The following ULK4 variants were observed in gnomAD, a reference collection of about 807,000 sequenced individuals.
ULK4 encodes inactive serine/threonine-protein kinase ULK4.
ULK4 carries 133 observed loss-of-function variants against 160.6 expected under a neutral mutation model. The ratio of observed to expected loss-of-function variants is 0.83; its 90% CI spans 0.72 to 0.96. The LOEUF is 0.96. Ranked by LOEUF, ULK4 falls within the 40% of genes least tolerant of loss-of-function variation. The pLI is 0.00. For synonymous variants in ULK4, 534 were observed against 539.8 expected (o/e 0.99, Z 0.15); for missense variants, 1,580 against 1,499.5 (o/e 1.05, Z -0.89).
At chr3:41,900,373 T>C (rs1698308757) in intron 13 of ULK4, among the ~76,000 whole-genome samples, 1 of 152,076 alleles carries the variant, frequency 6.6e-6, no homozygotes, top group African/African-American at 2.4e-5. Context: ...TTAGAGTGAT[T>C]CACATTAGTG....
At chr3:41,762,137 G>A (rs535271360) in intron 21 of ULK4, among the ~76,000 whole-genome samples, 1 of 151,892 alleles carries the variant, frequency 6.6e-6, no homozygotes, top group African/African-American at 2.4e-5. Context: ...TAATCCAAAA[G>A]GCCCTTCTAC....
intron 32 of ULK4, among the ~76,000 whole-genome samples, chr3:41,521,362 G>A (rs113934343): frequency 0.012 from 1,894 of 152,104 alleles, 28 homozygotes; most frequent in Non-Finnish European, 0.019. Context: ...GGCCTTCACT[G>A]ATTAGACCTT....
At chr3:41,710,930 G>T (rs1248839179) in intron 25 of ULK4, among the ~76,000 whole-genome samples, 1 of 152,196 alleles carries the variant, frequency 6.6e-6, no homozygotes, top group Non-Finnish European at 1.5e-5. Context: ...TCTCACAGGA[G>T]CTGAAGGGTT....
intron 17 of ULK4, among the ~76,000 whole-genome samples, chr3:41,841,513 A>G (rs1375446396): frequency 5.6e-5 from 7 of 124,062 alleles, no homozygotes; most frequent in African/African-American, 1.6e-4. Flanking sequence ...GGGAAGTGAG[A>G]AGCACCTCTG....
chr3:41,926,597 C>T (rs1381785256), intron 5 of ULK4, among the ~76,000 whole-genome samples: 1 of 150,832 alleles, frequency 6.6e-6, no homozygotes. Flanking sequence ...AGCTAAGAAC[C>T]TTGAAAAAAG....
At chr3:41,398,383 T>C (rs1021965655) in intron 34 of ULK4, 119 bp from the exon 35 acceptor site, 16 of 978,640 alleles carry the variant, frequency 1.6e-5, no homozygotes, top group African/African-American at 4.2e-5. Context: ...CTGAATACTT[T>C]TTTACTTTTT....
chr3:41,724,557 AC>A (rs1201520238), intron 22 of ULK4, among the ~76,000 whole-genome samples: 1 of 152,052 alleles, frequency 6.6e-6, no homozygotes, highest in African/African-American at 2.4e-5. Flanking sequence ...ACCCGTCTCT[AC>A]TAAAAATACA....
chr3:41,824,414 AG>A (rs2041268824), intron 18 of ULK4, among the ~76,000 whole-genome samples: 1 of 152,104 alleles, frequency 6.6e-6, no homozygotes, highest in Non-Finnish European at 1.5e-5. Flanking sequence ...TCCCTTCCCT[AG>A]TCAAAGAAAG....
At chr3:41,459,401 C>T (rs2083632257) in intron 33 of ULK4, among the ~76,000 whole-genome samples, 1 of 152,106 alleles carries the variant, frequency 6.6e-6, no homozygotes, top group Non-Finnish European at 1.5e-5. Flanking sequence ...CAGGTTTTAG[C>T]ACACAGTGGA....
chr3:41,662,011 T>G (rs1490674054), intron 30 of ULK4, among the ~76,000 whole-genome samples: 1 of 152,146 alleles, frequency 6.6e-6, no homozygotes, highest in East Asian at 1.9e-4. Flanking sequence ...AAAAAAGTAA[T>G]TGCAATCTGT....
chr3:41,463,235 C>T lies in ULK4; in HGVS notation c.3245G>A (p.Cys1082Tyr), dbSNP rs1223263073. 1.2e-6 allele frequency: 2 copies of T among 1,613,188 alleles called. No individual in the cohort carries two copies. Among genetic ancestry groups the T allele is most frequent in the Non-Finnish European group, 1.7e-6 (2 of 1,179,428 alleles). ...TGTGGCAGTTTCAGTGAGCAGGTTA[C>T]AGATGTGACTGACAAGTCCTGAGGG... ...LYEQGLVSHI[C>Y]NLLTETATLC... Residue 1082 changes from cysteine (C) to tyrosine (Y), a missense_variant, in exon 33 of 37, where the codon TGT becomes TAT. Cys to Tyr is a radical substitution (Grantham distance 194). Coordinates refer to ENST00000301831, the MANE Select transcript of ULK4 (RefSeq NM_017886.4).
At position 41,293,819 on chromosome 3, in the gene ULK4, T is replaced by C. The variant is rs548691546; in HGVS notation, c.3679-44245A>G. Among the ~76,000 whole-genome samples, 4 of 152,338 alleles carry C rather than the reference T, an allele frequency of 2.6e-5. No homozygotes were observed. In the South Asian group the frequency reaches 6.2e-4, roughly 24 times the overall value. On this transcript the variant is annotated intron_variant, in intron 35 of 36. Coordinates refer to ENST00000301831, the MANE Select transcript of ULK4 (RefSeq NM_017886.4). ...TTATATAAAGTGCCATGGAGCCCTA[T>C]GGAAATACTAATTTCATCTGCAGTA...
At chr3:41,349,733 C>A (rs2080872182) in intron 35 of ULK4, among the ~76,000 whole-genome samples, 1 of 152,142 alleles carries the variant, frequency 6.6e-6, no homozygotes, top group Admixed American at 6.5e-5. Flanking sequence ...CTCTGATTTC[C>A]CCTTGGGGTT....
At chr3:41,739,535 C>T (rs372588778) in intron 22 of ULK4, among the ~76,000 whole-genome samples, 1 of 151,902 alleles carries the variant, frequency 6.6e-6, no homozygotes, top group Non-Finnish European at 1.5e-5. Flanking sequence ...GATTCATGGG[C>T]ACTGGGGCTT....
At chr3:41,555,882 T>C (rs1388692346) in intron 32 of ULK4, among the ~76,000 whole-genome samples, 1 of 152,146 alleles carries the variant, frequency 6.6e-6, no homozygotes, top group Non-Finnish European at 1.5e-5. Context: ...CAGGGGGACA[T>C]GGATGGAGCT....
intron 32 of ULK4, among the ~76,000 whole-genome samples, chr3:41,532,802 T>G (rs1462270914): frequency 6.6e-6 from 1 of 152,194 alleles, no homozygotes; most frequent in Non-Finnish European, 1.5e-5. Flanking sequence ...ATCCCTGAAC[T>G]AGATGCACCA....
At chr3:41,336,982 C>T (rs2080571350) in intron 35 of ULK4, among the ~76,000 whole-genome samples, 1 of 152,142 alleles carries the variant, frequency 6.6e-6, no homozygotes, top group Non-Finnish European at 1.5e-5. Context: ...ATGAGAAATG[C>T]TGTGCAGGTC....
rs568756075 is a variant in ULK4, at chr3:41,831,529, A to G, written c.1764+4335T>C. 1.3e-4 allele frequency among the ~76,000 whole-genome samples: 16 copies of G among 121,518 alleles called. No individual in the cohort carries two copies. The South Asian group carries it at 3.9e-3, about 30-fold the overall frequency. 79.7% of individuals were successfully genotyped at this position (121,518 alleles called of 152,430 possible). On this transcript the variant is annotated intron_variant, in intron 18 of 36. Coordinates refer to ENST00000301831, the MANE Select transcript of ULK4 (RefSeq NM_017886.4). ...TTTTATTGTTATTTTATATATATAT[A>G]TATTTTTTTTTCTTTCTTAAACTTT...
chr3:41,681,679 A>G, intron 28 of ULK4, 27 bp from the exon 29 acceptor site: 1 of 1,613,612 alleles, frequency 6.2e-7, no homozygotes, highest in Non-Finnish European at 8.5e-7. Flanking sequence ...AATGCCAAGA[A>G]TGTGACTCCA....
Sources: gnomAD v4.1 joint callset for allele counts (sites outside exome capture counted in the v4.1 genomes callset) on GRCh38, gnomAD v4.1.1 for gene constraint, MANE v1.5 for transcripts, NCBI Gene and HGNC (gene_info 2026-07-23, HGNC 2026-07-21) for gene names.